XXYLT1: variants seen among roughly 807,000 people sequenced by gnomAD.
XXYLT1 encodes UDP-xylose:alpha-xyloside alpha-1,3-xylosyltransferase.
A neutral mutation model predicts 28.9 loss-of-function variants in XXYLT1; 20 were observed. The ratio of observed to expected loss-of-function variants is 0.69; its 90% CI spans 0.49 to 1.00. The LOEUF (loss-of-function observed/expected upper bound fraction) is 1.00, where lower values mean the gene tolerates loss of function less well. Ranked by LOEUF, XXYLT1 falls within the 50% of genes least tolerant of loss-of-function variation. The probability of loss-of-function intolerance (pLI) is 0.00; values close to 1 mark genes in which losing one functional copy is unlikely to be tolerated. For synonymous variants in XXYLT1, 257 were observed against 253.8 expected, an observed-to-expected ratio of 1.01 and a Z score of -0.12; for missense variants, 542 against 560.1, an observed-to-expected ratio of 0.97 and a Z score of 0.33.
chr3:195,153,541 A>C (rs1720396836), intron 3 of XXYLT1, among the ~76,000 whole-genome samples: 1 of 152,216 alleles, frequency 6.6e-6, no homozygotes, highest in Non-Finnish European at 1.5e-5. Flanking sequence ...ACTCTGCTGC[A>C]GCGGAGGTCT....
chr3:195,161,779 G>A (rs915713182), intron 2 of XXYLT1, among the ~76,000 whole-genome samples: 3 of 151,622 alleles, frequency 2.0e-5, no homozygotes, highest in Admixed American at 1.3e-4. Context: ...CACCATACCC[G>A]GCTAATTTTT....
chr3:195,093,599 G>T (rs1388949447), intron 3 of XXYLT1: 1 of 150,780 alleles, frequency 6.6e-6, no homozygotes, highest in Non-Finnish European at 1.5e-5. Flanking sequence ...GTTAGTGGGT[G>T]CAGCGCACCA....
rs1007157869 is a variant in XXYLT1, at chr3:195,187,455, A to AT, written c.653-30875dup. On this transcript the variant is annotated intron_variant, in intron 2 of 3. Transcript: ENST00000310380. ...CACTGTTATTATTAATATTCATTCA[A>AT]TTTTTTTTCTGAAAATTCCAATTTA... 4.0e-5 allele frequency among the ~76,000 whole-genome samples: 6 copies of AT among 151,638 alleles called. No individual in the cohort carries two copies. The South Asian group carries it at 8.4e-4, about 21-fold the overall frequency.
At chr3:195,244,176 A>G (rs1473772673) in intron 1 of XXYLT1, among the ~76,000 whole-genome samples, 22 of 152,194 alleles carry the variant, frequency 1.4e-4, no homozygotes, top group Non-Finnish European at 5.9e-5. Context: ...TATTCCAGTC[A>G]TCCAAAACCT....
At chr3:195,213,471 T>G (rs1723423071) in intron 2 of XXYLT1, among the ~76,000 whole-genome samples, 1 of 152,098 alleles carries the variant, frequency 6.6e-6, no homozygotes, top group African/African-American at 2.4e-5. Context: ...TCCATGTTGG[T>G]CGGGCTAGTC....
At chr3:195,187,681 G>C (rs1722262296) in intron 2 of XXYLT1, among the ~76,000 whole-genome samples, 2 of 152,186 alleles carry the variant, frequency 1.3e-5, no homozygotes, top group African/African-American at 2.4e-5. Context: ...CATTGAGGTA[G>C]AGTCCCAGTT....
At chr3:195,084,519 C>T (rs974402888) in intron 3 of XXYLT1, among the ~76,000 whole-genome samples, 6 of 152,204 alleles carry the variant, frequency 3.9e-5, no homozygotes, top group African/African-American at 1.4e-4. Flanking sequence ...CCTTTCCCAC[C>T]AGCGAGATGG....
chr3:195,259,525 A>T, intron 1 of XXYLT1: 1 of 979,182 alleles, frequency 1.0e-6, no homozygotes, highest in Non-Finnish European at 1.2e-6. Context: ...CGGCCCTTCC[A>T]GCAAGCAGGC....
chr3:195,177,006 TG>T (rs1721701193), intron 2 of XXYLT1, among the ~76,000 whole-genome samples: 1 of 152,212 alleles, frequency 6.6e-6, no homozygotes, highest in African/African-American at 2.4e-5. Flanking sequence ...CCCTCCTCGC[TG>T]GGCTCTCACA....
chr3:195,131,864 G>A (rs9851267), intron 3 of XXYLT1, among the ~76,000 whole-genome samples: 33 of 152,318 alleles, frequency 2.2e-4, no homozygotes, highest in African/African-American at 7.2e-4. Flanking sequence ...TTGTGACCTT[G>A]GACAAATTCT....
chr3:195,137,581 G>A (rs1178997111), intron 3 of XXYLT1, among the ~76,000 whole-genome samples: 1 of 152,176 alleles, frequency 6.6e-6, no homozygotes, highest in Non-Finnish European at 1.5e-5. Context: ...CCCTTTCTAG[G>A]CCAGGACAAA....
intron 2 of XXYLT1, among the ~76,000 whole-genome samples, chr3:195,194,144 T>C (rs1342452542): frequency 6.6e-6 from 1 of 151,788 alleles, no homozygotes; most frequent in African/African-American, 2.4e-5. Context: ...AAAATATTTG[T>C]AAATCGTATA....
At chr3:195,146,433 C>T (rs6794540) in intron 3 of XXYLT1, among the ~76,000 whole-genome samples, 58,854 of 152,164 alleles carry the variant, frequency 0.39, 13,161 homozygotes, top group East Asian at 0.84. Flanking sequence ...CATCATCCGC[C>T]GCTGTGCCTC....
intron 3 of XXYLT1, among the ~76,000 whole-genome samples, chr3:195,080,106 C>T (rs762998480): frequency 8.6e-5 from 13 of 151,998 alleles, no homozygotes; most frequent in South Asian, 4.2e-4. Context: ...AAGGCAGGGG[C>T]GGGAGGAGAA....
intron 3 of XXYLT1, among the ~76,000 whole-genome samples, chr3:195,110,316 GGGTGAGGGTGAGGTGTGTGTA>G (rs1717519359): frequency 3.4e-3 from 6 of 1,762 alleles, no homozygotes; most frequent in African/African-American, 0.01. Flanking sequence ...ATGTGTGTGT[GGGTGAGGGTGAGGTGTGTGTA>G]TGTGTGTGGT....
chr3:195,090,220 A>G (rs1487332257), intron 3 of XXYLT1, among the ~76,000 whole-genome samples: 1 of 150,826 alleles, frequency 6.6e-6, no homozygotes, highest in Non-Finnish European at 1.5e-5. Flanking sequence ...TCAACAGAAT[A>G]TACATTTTTT....
chr3:195,154,746 T>C (rs564227664), intron 3 of XXYLT1, among the ~76,000 whole-genome samples: 28 of 152,360 alleles, frequency 1.8e-4, no homozygotes, highest in African/African-American at 6.7e-4. Flanking sequence ...CTCCCAAGTG[T>C]ACTTTATTTC....
chr3:195,121,074 AC>A (rs889120356), intron 3 of XXYLT1, among the ~76,000 whole-genome samples: 1 of 151,830 alleles, frequency 6.6e-6, no homozygotes, highest in African/African-American at 2.4e-5. Context: ...CTCCGTGAGC[AC>A]CCCCATGCTC....
At chr3:195,123,085 A>G (rs1349845301) in intron 3 of XXYLT1, among the ~76,000 whole-genome samples, 2 of 152,166 alleles carry the variant, frequency 1.3e-5, no homozygotes, top group African/African-American at 4.8e-5. Flanking sequence ...TCATTCTATC[A>G]TTCTACTAAA....
Sources: allele counts gnomAD v4.1 joint callset (sites outside exome capture counted in the v4.1 genomes callset), GRCh38; gene constraint gnomAD v4.1.1; transcripts MANE v1.5; gene names NCBI Gene and HGNC (gene_info 2026-07-23, HGNC 2026-07-21).